The following TNR variants were observed in gnomAD, a reference collection of about 807,000 sequenced individuals.
TNR encodes the protein tenascin R, also known as tenascin-R.
Under a neutral mutation model 150.4 loss-of-function variants are expected in TNR, and 45 were observed. The ratio of observed to expected loss-of-function variants is 0.30; its 90% CI spans 0.24 to 0.38. The LOEUF is 0.38. Among genes scored for constraint, TNR ranks in the 10% least tolerant of loss-of-function variants. The pLI is 1.00. For missense variants in TNR, 1,544 were observed against 1,759.1 expected, an observed-to-expected ratio of 0.88 and a Z score of 2.19; for synonymous variants, 687 against 678.4, an observed-to-expected ratio of 1.01 and a Z score of -0.20.
Position 175,365,970 on chromosome 1 carries a change from A to G in TNR, c.2222T>C (p.Leu741Pro), listed in dbSNP as rs1461591745. 1 of 1,614,046 alleles carries G rather than the reference A, an allele frequency of 6.2e-7. No individual in the cohort carries two copies. The highest frequency in any genetic ancestry group is 8.5e-7 in the Non-Finnish European group (1 of 1,179,982). Residue 741 changes from leucine (L) to proline (P), a missense_variant, in exon 11 of 23, where the codon CTA becomes CCA. Leu to Pro is a moderately conservative substitution (Grantham distance 98). Coordinates refer to ENST00000367674, the MANE Select transcript of TNR (RefSeq NM_003285.3). ...CTCTGCCCCAGGCTCTAGATCTGTT[A>G]GTGTGTATGAGGTCCTGTCCTTGGG... ...TVPKDRTSYT[L>P]TDLEPGAEYI...
chr1:175,508,238 A>G (rs1460241051), intron 2 of TNR, among the ~76,000 whole-genome samples: 1 of 152,194 alleles, frequency 6.6e-6, no homozygotes, highest in Non-Finnish European at 1.5e-5. Context: ...TAACAAACCT[A>G]CAAGTTCTGC....
intron 1 of TNR, among the ~76,000 whole-genome samples, chr1:175,681,500 C>T (rs1298553814): frequency 6.6e-6 from 1 of 152,118 alleles, no homozygotes; most frequent in Non-Finnish European, 1.5e-5. Flanking sequence ...GGAGGTGCTG[C>T]GACTTGCCCC....
At chr1:175,462,953 T>C (rs1256539128) in intron 2 of TNR, among the ~76,000 whole-genome samples, 1 of 152,206 alleles carries the variant, frequency 6.6e-6, no homozygotes, top group Non-Finnish European at 1.5e-5. Flanking sequence ...CTTTTTATCC[T>C]TTGGACATAG....
At chr1:175,554,548 C>T (rs1015028732) in intron 1 of TNR, among the ~76,000 whole-genome samples, 3 of 152,130 alleles carry the variant, frequency 2.0e-5, no homozygotes, top group African/African-American at 7.2e-5. Context: ...GTAATTATTT[C>T]TCCTGTAGCT....
chr1:175,453,889 A>C (rs1168199852), intron 2 of TNR, among the ~76,000 whole-genome samples: 1 of 152,156 alleles, frequency 6.6e-6, no homozygotes, highest in Non-Finnish European at 1.5e-5. Context: ...ATTTTTTTAA[A>C]TCAAGGGTGA....
chr1:175,555,026 C>G (rs1398100881), intron 1 of TNR, among the ~76,000 whole-genome samples: 2 of 152,156 alleles, frequency 1.3e-5, no homozygotes, highest in South Asian at 2.1e-4. Context: ...TGATTTAACT[C>G]TTTTTAGTTA....
chr1:175,536,149 A>G (rs534351194), intron 1 of TNR, among the ~76,000 whole-genome samples: 1 of 152,338 alleles, frequency 6.6e-6, no homozygotes, highest in Admixed American at 6.5e-5. Flanking sequence ...TTTGATAGCA[A>G]TATTTCAATA....
chr1:175,719,064 T>A (rs1416024694), intron 1 of TNR, among the ~76,000 whole-genome samples: 1 of 152,206 alleles, frequency 6.6e-6, no homozygotes, highest in African/African-American at 2.4e-5. Flanking sequence ...CTTCATTTGC[T>A]TATCTTCTCT....
intron 16 of TNR, among the ~76,000 whole-genome samples, chr1:175,355,862 G>C (rs1651300386): frequency 6.6e-6 from 1 of 152,120 alleles, no homozygotes; most frequent in East Asian, 1.9e-4. Flanking sequence ...AGGGCCTCTA[G>C]GCTTGGGTGT....
chr1:175,345,244 A>G (rs932448837), intron 18 of TNR, among the ~76,000 whole-genome samples: 8 of 152,238 alleles, frequency 5.3e-5, no homozygotes, highest in African/African-American at 2.4e-5. Flanking sequence ...GCCATGGAGT[A>G]ATCACTGCCA....
At chr1:175,457,299 G>A (rs1656610522) in intron 2 of TNR, among the ~76,000 whole-genome samples, 1 of 152,258 alleles carries the variant, frequency 6.6e-6, no homozygotes, top group African/African-American at 2.4e-5. Flanking sequence ...CCACTAGGAT[G>A]TGTTGGGAGG....
chr1:175,547,018 G>T (rs1355408357), intron 1 of TNR, among the ~76,000 whole-genome samples: 1 of 152,092 alleles, frequency 6.6e-6, no homozygotes, highest in Non-Finnish European at 1.5e-5. Flanking sequence ...ATAGTACTTT[G>T]TACAGTACTT....
chr1:175,432,867 C>T (rs1032385806), intron 2 of TNR, among the ~76,000 whole-genome samples: 1 of 152,070 alleles, frequency 6.6e-6, no homozygotes, highest in African/African-American at 2.4e-5. Flanking sequence ...ACTGCATATC[C>T]CAGTCTTTCT....
chr1:175,615,488 G>C (rs911345721), intron 1 of TNR, among the ~76,000 whole-genome samples: 1 of 152,214 alleles, frequency 6.6e-6, no homozygotes, highest in South Asian at 2.1e-4. Context: ...TACACAGGCA[G>C]GGATCCAATG....
At chr1:175,673,207 T>G (rs924496057) in intron 1 of TNR, among the ~76,000 whole-genome samples, 1 of 152,206 alleles carries the variant, frequency 6.6e-6, no homozygotes, top group Non-Finnish European at 1.5e-5. Context: ...GTTTCTTTCC[T>G]GTCCTTCTCA....
chr1:175,591,130 C>T (rs1490586169), intron 1 of TNR, among the ~76,000 whole-genome samples: 1 of 152,174 alleles, frequency 6.6e-6, no homozygotes, highest in African/African-American at 2.4e-5. Context: ...CTCCTGGCCA[C>T]CTCCTCTCTG....
intron 5 of TNR, among the ~76,000 whole-genome samples, chr1:175,395,184 G>A (rs917248336): frequency 6.6e-6 from 1 of 152,178 alleles, no homozygotes; most frequent in Non-Finnish European, 1.5e-5. Context: ...AAGGGGACAA[G>A]ATGACTTCTT....
chr1:175,386,304 G>C lies in TNR; in HGVS notation c.1508-3C>G. The stretch of plus-strand genomic sequence containing the variant: ...GATCTGCGTGGGGCCGTCAATGACT[G>C]AGTGAGAAGGATCAAACAGAACAAA... On this transcript the variant is annotated splice_region_variant and splice_polypyrimidine_tract_variant and intron_variant, in intron 7 of 22. Transcript: ENST00000367674. The C allele has an allele frequency of 6.5e-7, 1 of 1,542,412 alleles. No homozygotes were observed. The highest frequency in any genetic ancestry group is 8.8e-7 in the Non-Finnish European group (1 of 1,140,386).
At chr1:175,501,927 G>A (rs1397349752) in intron 2 of TNR, among the ~76,000 whole-genome samples, 1 of 152,196 alleles carries the variant, frequency 6.6e-6, no homozygotes, top group Non-Finnish European at 1.5e-5. Context: ...ACAGACAATG[G>A]CAATCATAAT....
Sources: gnomAD v4.1 joint callset for allele counts (sites outside exome capture counted in the v4.1 genomes callset) on GRCh38, gnomAD v4.1.1 for gene constraint, MANE v1.5 for transcripts, NCBI Gene and HGNC (gene_info 2026-07-23, HGNC 2026-07-21) for gene names.